ARPP21: variants seen among roughly 807,000 people sequenced by gnomAD.
ARPP21 encodes cAMP regulated phosphoprotein 21, also known as cAMP-regulated phosphoprotein 21.
In ARPP21, 69 loss-of-function variants were observed where a neutral mutation model predicts 113.2. The ratio of observed to expected loss-of-function variants is 0.61; its 90% CI spans 0.50 to 0.74. The LOEUF is 0.74. ARPP21 is among the 30% of genes least tolerant of loss of function. The pLI is 0.00. For synonymous variants in ARPP21, 368 were observed against 375.5 expected (o/e 0.98, Z 0.23); for missense variants, 1,070 against 1,037.4 (o/e 1.03, Z -0.43).
At chr3:35,684,741 G>C in intron 5 of ARPP21, 1 of 985,094 alleles carries the variant, frequency 1.0e-6, no homozygotes, top group Non-Finnish European at 1.2e-6. Flanking sequence ...AGAGCATTGA[G>C]AGCACTTTCT....
At chr3:35,674,269 A>T (rs183799416) in intron 1 of ARPP21, among the ~76,000 whole-genome samples, 2 of 152,062 alleles carry the variant, frequency 1.3e-5, no homozygotes, top group Admixed American at 6.6e-5. Context: ...AATATATAGG[A>T]TAAGTGTGTA....
intron 11 of ARPP21, among the ~76,000 whole-genome samples, chr3:35,709,933 C>G (rs1048825807): frequency 6.6e-6 from 1 of 152,198 alleles, no homozygotes; most frequent in Non-Finnish European, 1.5e-5. Flanking sequence ...GGAGACAACA[C>G]AAAGCCAGCC....
At chr3:35,757,758 A>G (rs2095625329) in intron 19 of ARPP21, among the ~76,000 whole-genome samples, 1 of 152,142 alleles carries the variant, frequency 6.6e-6, no homozygotes, top group African/African-American at 2.4e-5. Flanking sequence ...GTATATATGC[A>G]TGTTGTAGAT....
intron 1 of ARPP21, among the ~76,000 whole-genome samples, chr3:35,673,900 C>A (rs1266848564): frequency 1.3e-5 from 2 of 151,894 alleles, no homozygotes; most frequent in Non-Finnish European, 2.9e-5. Context: ...ATTAGTATTT[C>A]TCCCCCATTT....
intron 1 of ARPP21, chr3:35,641,272 A>G (rs1697985781): frequency 6.6e-6 from 1 of 152,210 alleles, no homozygotes; most frequent in Non-Finnish European, 1.5e-5. Context: ...GACATTCCCC[A>G]AAGTTGAAAT....
Position 35,715,483 on chromosome 3 carries a change from T to C in ARPP21, c.935+7T>C, listed in dbSNP as rs1188686270. ...GCCTTTTTGTGGAAAACAGGTAAAATAAAATTTACTTTTCCATGTCTTTAG... is the reference window on the plus strand; with the variant it reads ...GCCTTTTTGTGGAAAACAGGTAAAACAAAATTTACTTTTCCATGTCTTTAG... On this transcript the variant is annotated splice_region_variant and intron_variant, in intron 12 of 20. Transcript: ENST00000684406. 1 of 1,609,780 alleles carries C rather than the reference T, an allele frequency of 6.2e-7. No individual in the cohort carries two copies. Among genetic ancestry groups the C allele is most frequent in the Non-Finnish European group, 8.5e-7 (1 of 1,176,472 alleles).
rs144701504 is a variant in ARPP21 at position 35,691,144 on chromosome 3, G to A, written c.686+139G>A. 5,442 of 914,112 alleles carry A rather than the reference G, an allele frequency of 6.0e-3. 20 individuals carry two copies. Among genetic ancestry groups the A allele is most frequent in the Admixed American group, 0.01 (337 of 32,212 alleles). 56.6% of individuals were successfully genotyped at this position (914,112 alleles called of 1,614,324 possible). A position where few individuals can be genotyped will look rare whatever the true frequency, so the allele number is the denominator to read the frequency against. On this transcript the variant is annotated intron_variant, in intron 9 of 20. Transcript: ENST00000684406. ...ATCTCTTGCTCTTATCAGAAGTAGT[G>A]TGGCATTTATCTGTAGAAGATTATC... is the stretch of plus-strand genomic sequence containing the variant.
At chr3:35,732,874 C>T (rs2094084760) in intron 15 of ARPP21, among the ~76,000 whole-genome samples, 1 of 152,086 alleles carries the variant, frequency 6.6e-6, no homozygotes, top group Non-Finnish European at 1.5e-5. Context: ...ATCCAAACTG[C>T]TTACACTTTT....
At chr3:35,729,647 T>C (rs1193406016) in intron 15 of ARPP21, 111 bp downstream of exon 15, 3 of 920,106 alleles carry the variant, frequency 3.3e-6, no homozygotes, top group Non-Finnish European at 5.1e-6. Context: ...ACAGGAAAGC[T>C]AGTTGCATGA....
intron 19 of ARPP21, among the ~76,000 whole-genome samples, chr3:35,758,120 G>A (rs1166922479): frequency 1.3e-5 from 2 of 152,022 alleles, no homozygotes; most frequent in African/African-American, 4.8e-5. Context: ...CTGACCTTGT[G>A]GCCCAGGGAG....
At chr3:35,725,378 T>C (rs897211533) in intron 14 of ARPP21, among the ~76,000 whole-genome samples, 1 of 152,144 alleles carries the variant, frequency 6.6e-6, no homozygotes, top group African/African-American at 2.4e-5. Flanking sequence ...GAGCCTCTAG[T>C]CTGGAAGAAA....
chr3:35,740,319 G>T (rs1227050424), intron 18 of ARPP21, among the ~76,000 whole-genome samples: 1 of 152,100 alleles, frequency 6.6e-6, no homozygotes, highest in Non-Finnish European at 1.5e-5. Context: ...GGCATTTTCT[G>T]GTCCATTTTC....
intron 19 of ARPP21, among the ~76,000 whole-genome samples, chr3:35,772,819 G>C (rs780364143): frequency 3.3e-5 from 5 of 152,178 alleles, no homozygotes; most frequent in Non-Finnish European, 5.9e-5. Flanking sequence ...AGGCTTGCCT[G>C]GGTTGATGCA....
In ARPP21 at chr3:35,643,032, A is replaced by G. The variant is rs1469452795; in HGVS notation, c.-213+2634A>G. On this transcript the variant is annotated intron_variant, in intron 1 of 20. Transcript: ENST00000684406. ...ATATCTTAACATTATAGTGTGTACA[A>G]TGCAAGAAGCCATCTGTCTGCAACA... Among the ~76,000 whole-genome samples the G allele has an allele frequency of 2.0e-5, 3 of 152,140 alleles. No homozygotes were observed. In the East Asian group the frequency reaches 5.8e-4, roughly 29 times the overall value.
intron 13 of ARPP21, among the ~76,000 whole-genome samples, chr3:35,719,874 CAT>C (rs2092880691): frequency 6.6e-6 from 1 of 152,168 alleles, no homozygotes; most frequent in African/African-American, 2.4e-5. Flanking sequence ...CTTTGTAAAA[CAT>C]AGTTTAACAT....
At chr3:35,775,318 C>T (rs928017887) in intron 19 of ARPP21, among the ~76,000 whole-genome samples, 4 of 152,090 alleles carry the variant, frequency 2.6e-5, no homozygotes, top group South Asian at 2.1e-4. Context: ...TTATCAGGAG[C>T]GCAGAATGAA....
chr3:35,763,820 A>G (rs1223406761), intron 19 of ARPP21, among the ~76,000 whole-genome samples: 1 of 152,126 alleles, frequency 6.6e-6, no homozygotes, highest in African/African-American at 2.4e-5. Context: ...AACTATTCAG[A>G]AAAATCTTCA....
chr3:35,735,161 C>T (rs1390485326), intron 15 of ARPP21, among the ~76,000 whole-genome samples: 1 of 152,124 alleles, frequency 6.6e-6, no homozygotes, highest in African/African-American at 2.4e-5. Flanking sequence ...ACTCTGTCAC[C>T]CAGGCTGGAG....
chr3:35,680,518 C>T (rs1302524533), intron 2 of ARPP21, among the ~76,000 whole-genome samples: 1 of 151,850 alleles, frequency 6.6e-6, no homozygotes, highest in Non-Finnish European at 1.5e-5. Flanking sequence ...TTGTATTTTT[C>T]TCATACTTCC....
Sources: gnomAD v4.1 joint callset for allele counts (sites outside exome capture counted in the v4.1 genomes callset) on GRCh38, gnomAD v4.1.1 for gene constraint, MANE v1.5 for transcripts, NCBI Gene and HGNC (gene_info 2026-07-23, HGNC 2026-07-21) for gene names.